Variants in GDAP2 observed in about 807,000 individuals in gnomAD.
GDAP2 encodes ganglioside-induced differentiation-associated protein 2.
GDAP2 carries 51 observed loss-of-function variants against 67.0 expected under a neutral mutation model. The ratio of observed to expected loss-of-function variants is 0.76; its 90% CI spans 0.61 to 0.96. The LOEUF (loss-of-function observed/expected upper bound fraction) is 0.96. Among genes scored for constraint, GDAP2 ranks in the 40% least tolerant of loss-of-function variants. GDAP2 has a pLI of 0.00. For missense variants in GDAP2, 547 were observed against 588.3 expected, an observed-to-expected ratio of 0.93 and a Z score of 0.73; for synonymous variants, 203 against 207.3, an observed-to-expected ratio of 0.98 and a Z score of 0.18.
Position 117,866,539 on chromosome 1 carries a change from G to C in GDAP2, c.*4030C>G, listed in dbSNP as rs1452234766. ...CACTCTAGCGCACGTTAATTATGAT[G>C]ATTACAACTTAAGAAAACTATAATC... On this transcript the variant is annotated 3_prime_UTR_variant, in exon 14 of 14. Coordinates refer to ENST00000369443, the MANE Select transcript of GDAP2 (RefSeq NM_017686.4). 1 of 152,110 alleles carries C rather than the reference G, an allele frequency of 6.6e-6. No individual in the cohort carries two copies. Among genetic ancestry groups the C allele is most frequent in the Non-Finnish European group, 1.5e-5 (1 of 68,020 alleles). The allele number at this position is 152,110 out of a possible 1,614,324, so 9.4% of individuals were successfully genotyped here.
chr1:117,872,924 G>T (rs1648339622), intron 13 of GDAP2, among the ~76,000 whole-genome samples: 1 of 152,012 alleles, frequency 6.6e-6, no homozygotes, highest in Non-Finnish European at 1.5e-5. Context: ...AATATGCATG[G>T]AAGCTATACT....
At chr1:117,895,735 T>C (rs1209292572) in intron 8 of GDAP2, among the ~76,000 whole-genome samples, 1 of 152,184 alleles carries the variant, frequency 6.6e-6, no homozygotes, top group Non-Finnish European at 1.5e-5. Flanking sequence ...CTTTTGTTTT[T>C]CAAATTAAAA....
Position 117,896,840 on chromosome 1 carries a change from G to C in GDAP2, c.946C>G (p.Gln316Glu). 1 of 1,609,468 alleles carries C rather than the reference G, an allele frequency of 6.2e-7. No homozygotes were observed. Among genetic ancestry groups the C allele is most frequent in the South Asian group, 1.1e-5 (1 of 90,270 alleles). The part of the protein sequence containing the change: ...LSEAALQKQH[Q>E]RNYNRWLCQA... Reference sequence around the variant, plus strand: ...CCTGAAGGGTTGTCTTACTTTCTTTGATGCTGCTTCTGCAGAGCTGCCTCT... The same window carrying C: ...CCTGAAGGGTTGTCTTACTTTCTTTCATGCTGCTTCTGCAGAGCTGCCTCT... Residue 316 changes from glutamine to glutamate, a missense_variant, in exon 8 of 14, where the codon CAA becomes GAA. Transcript: ENST00000369443.
rs913479502 is a variant in GDAP2, at chr1:117,869,236, T to C, written c.*1333A>G. The C allele has an allele frequency of 1.3e-5, 2 of 152,038 alleles. No individual in the cohort carries two copies. Among genetic ancestry groups the C allele is most frequent in the African/African-American group, 4.8e-5 (2 of 41,400 alleles). 9.4% of individuals were successfully genotyped at this position (152,038 alleles called of 1,614,324 possible). ...AAAGCTACCCAGATGGGAATAATAATGGTTTGACCTTAATTCAAGAAGAAA... is the reference window on the plus strand; with the variant it reads ...AAAGCTACCCAGATGGGAATAATAACGGTTTGACCTTAATTCAAGAAGAAA... On this transcript the variant is annotated 3_prime_UTR_variant, in exon 14 of 14. Transcript: ENST00000369443.
rs769405824 is a variant in GDAP2 at position 117,920,177 on chromosome 1, A to T, written c.176+5T>A. On this transcript the variant is annotated splice_donor_5th_base_variant and intron_variant, in intron 2 of 13. Transcript: ENST00000369443. The stretch of plus-strand genomic sequence containing the variant: ...CCTCATGATATGATGTAATCAAAAA[A>T]TTACCAAAGAACCACTTTTCCATTG... The T allele has an allele frequency of 1.9e-6, 3 of 1,554,702 alleles. No homozygotes were observed. The highest frequency in any genetic ancestry group is 2.7e-5 in the African/African-American group (2 of 73,464).
At chr1:117,903,981 GA>G in intron 6 of GDAP2, among the ~76,000 whole-genome samples, 1 of 151,076 alleles carries the variant, frequency 6.6e-6, no homozygotes, top group Non-Finnish European at 1.5e-5. Context: ...ATGAGTTTAT[GA>G]TTTTTTTTTC....
At chr1:117,910,703 A>AT (rs1363396551) in intron 5 of GDAP2, among the ~76,000 whole-genome samples, 1 of 152,200 alleles carries the variant, frequency 6.6e-6, no homozygotes, top group African/African-American at 2.4e-5. Flanking sequence ...AGTGTTTTCT[A>AT]TAACAGCTGC....
At chr1:117,923,265 T>A (rs1650325011) in intron 1 of GDAP2, among the ~76,000 whole-genome samples, 1 of 152,212 alleles carries the variant, frequency 6.6e-6, no homozygotes, top group Non-Finnish European at 1.5e-5. Context: ...CCTCAGCTTA[T>A]GAAGATGACA....
intron 10 of GDAP2, among the ~76,000 whole-genome samples, chr1:117,884,647 T>A (rs900937515): frequency 6.6e-6 from 1 of 152,154 alleles, no homozygotes; most frequent in Non-Finnish European, 1.5e-5. Flanking sequence ...ATCATGAATA[T>A]CCAGAACCCC....
intron 8 of GDAP2, among the ~76,000 whole-genome samples, chr1:117,892,898 T>A (rs1373252386): frequency 1.3e-5 from 2 of 152,188 alleles, no homozygotes; most frequent in Non-Finnish European, 1.5e-5. Context: ...CCTTATACAA[T>A]TGACCCATCC....
rs984390645 is a variant in GDAP2 at position 117,900,404 on chromosome 1, C to T, written c.637-1188G>A. Among the ~76,000 whole-genome samples the T allele has an allele frequency of 2.6e-5, 4 of 152,286 alleles. No individual in the cohort carries two copies. The East Asian group carries it at 7.7e-4, about 29-fold the overall frequency. The stretch of plus-strand genomic sequence containing the variant: ...ATCAGAAATCATTCACCATTCCTCC[C>T]TCTCCCACACCTGGCAATTACTAAT... On this transcript the variant is annotated intron_variant, in intron 6 of 13. Coordinates refer to ENST00000369443, the MANE Select transcript of GDAP2 (RefSeq NM_017686.4).
intron 1 of GDAP2, among the ~76,000 whole-genome samples, chr1:117,927,499 G>T (rs1207667268): frequency 6.6e-6 from 1 of 152,148 alleles, no homozygotes; most frequent in Non-Finnish European, 1.5e-5. Context: ...ACAGTACAAA[G>T]AGAGCTGGTG....
intron 8 of GDAP2, among the ~76,000 whole-genome samples, chr1:117,888,098 C>T (rs1648933108): frequency 6.6e-6 from 1 of 152,122 alleles, no homozygotes; most frequent in Non-Finnish European, 1.5e-5. Context: ...TTTTCCTTTA[C>T]TAAAAACATG....
chr1:117,875,865 A>T (rs1042713645), intron 13 of GDAP2, among the ~76,000 whole-genome samples: 1 of 152,160 alleles, frequency 6.6e-6, no homozygotes, highest in Admixed American at 6.5e-5. Context: ...TGCCTGTACA[A>T]CCATTATATC....
intron 6 of GDAP2, among the ~76,000 whole-genome samples, chr1:117,901,982 G>C (rs779036820): frequency 6.6e-6 from 1 of 152,270 alleles, no homozygotes; most frequent in African/African-American, 2.4e-5. Context: ...TAAACTGTAA[G>C]TCCTGCCCTG....
At position 117,864,301 on chromosome 1, in the gene GDAP2, G is replaced by A. The variant is rs1193433235; in HGVS notation, c.*6268C>T. The A allele has an allele frequency of 6.6e-6, 1 of 152,220 alleles. No homozygotes were observed. The highest frequency in any genetic ancestry group is 1.5e-5 in the Non-Finnish European group (1 of 68,042). 9.4% of individuals were successfully genotyped at this position (152,220 alleles called of 1,614,324 possible). On this transcript the variant is annotated 3_prime_UTR_variant, in exon 14 of 14. Coordinates refer to ENST00000369443, the MANE Select transcript of GDAP2 (RefSeq NM_017686.4). ...AAGGCCCAGTTCTACATTAGTGGTG[G>A]AAGGCTTATGGAGAACAGAGGCTGT...
chr1:117,866,650 TCGA>T lies in GDAP2; in HGVS notation c.*3916_*3918del, dbSNP rs1478355822. On this transcript the variant is annotated 3_prime_UTR_variant, in exon 14 of 14. Coordinates refer to ENST00000369443, the MANE Select transcript of GDAP2 (RefSeq NM_017686.4). Reference sequence around the variant, plus strand: ...GGGCAGATCACCTGAGGTCAGGAATTCGAGAGCAGCCTGGCCAACATGGTGAAA... The same window carrying T: ...GGGCAGATCACCTGAGGTCAGGAATTGAGCAGCCTGGCCAACATGGTGAAA... 1 of 152,098 alleles carries T rather than the reference TCGA, an allele frequency of 6.6e-6. No homozygotes were observed. 9.4% of individuals were successfully genotyped at this position (152,098 alleles called of 1,614,324 possible).
intron 5 of GDAP2, among the ~76,000 whole-genome samples, chr1:117,907,249 T>C (rs777982650): frequency 6.6e-6 from 1 of 152,230 alleles, no homozygotes; most frequent in Non-Finnish European, 1.5e-5. Flanking sequence ...TTTAAAAATG[T>C]TGTCCCCCAG....
chr1:117,914,521 AAATT>A (rs1413185385), intron 3 of GDAP2, among the ~76,000 whole-genome samples: 1 of 152,158 alleles, frequency 6.6e-6, no homozygotes, highest in East Asian at 1.9e-4. Context: ...AGAAGGAAGG[AAATT>A]ATTAATGAAA....
Sources: gnomAD v4.1 joint callset for allele counts (sites outside exome capture counted in the v4.1 genomes callset) on GRCh38, gnomAD v4.1.1 for gene constraint, MANE v1.5 for transcripts, NCBI Gene and HGNC (gene_info 2026-07-23, HGNC 2026-07-21) for gene names.